LAMP5: variants seen among roughly 807,000 people sequenced by gnomAD.
LAMP5 encodes the protein lysosome-associated membrane glycoprotein 5.
A neutral mutation model predicts 30.2 loss-of-function variants in LAMP5; 36 were observed. That is an observed-to-expected ratio of 1.19 (90% confidence interval 0.91 to 1.57). The LOEUF (loss-of-function observed/expected upper bound fraction) is 1.57, where lower values mean the gene tolerates loss of function less well. Among genes scored for constraint, LAMP5 ranks in the 40% most tolerant of loss-of-function variants. LAMP5 has a pLI of 0.00. For synonymous variants in LAMP5, 149 were observed against 134.6 expected, an observed-to-expected ratio of 1.11 and a Z score of -0.74; for missense variants, 377 against 354.9, an observed-to-expected ratio of 1.06 and a Z score of -0.50.
rs2045028368 is a variant in LAMP5, at chr20:9,515,378, C to G, written c.65-75C>G. 1.3e-5 allele frequency: 18 copies of G among 1,424,740 alleles called. 1 individual carries two copies. Among genetic ancestry groups the G allele is most frequent in the East Asian group, 2.3e-5 (1 of 43,654 alleles). The allele number at this position is 1,424,740 out of a possible 1,614,324, so 88.3% of individuals were successfully genotyped here. A position where few individuals can be genotyped will look rare whatever the true frequency, so the allele number is the denominator to read the frequency against. ...TTGTCACTCCAAAGCCTGCAGAGCA[C>G]TGTCTCCCCACCCTAGCGCCCGAGA... On this transcript the variant is annotated intron_variant, in intron 1 of 5. Transcript: ENST00000246070.
chr20:9,516,919 ACAACTCAGCCAGATC>A (rs2045044716), intron 4 of LAMP5, among the ~76,000 whole-genome samples: 1 of 152,098 alleles, frequency 6.6e-6, no homozygotes, highest in Non-Finnish European at 1.5e-5. Flanking sequence ...CATCCCTCCG[ACAACTCAGCCAGATC>A]CTCCTCGGCA....
At chr20:9,526,207 A>T (rs2045111279) in intron 5 of LAMP5, among the ~76,000 whole-genome samples, 1 of 152,186 alleles carries the variant, frequency 6.6e-6, no homozygotes, top group Non-Finnish European at 1.5e-5. Context: ...TTACTGTTTA[A>T]CACAGACTTA....
At chr20:9,517,885 C>T (rs1203360932) in intron 4 of LAMP5, among the ~76,000 whole-genome samples, 155 bp from the exon 5 acceptor site, 1 of 152,178 alleles carries the variant, frequency 6.6e-6, no homozygotes, top group Non-Finnish European at 1.5e-5. Context: ...CCTTCATCAC[C>T]ACTTGATGCC....
intron 5 of LAMP5, 102 bp downstream of exon 5, chr20:9,518,330 C>A: frequency 9.7e-7 from 1 of 1,032,566 alleles, no homozygotes; most frequent in Non-Finnish European, 1.4e-6. Flanking sequence ...TGGATTTCCT[C>A]TAGGTTGAAA....
intron 5 of LAMP5, among the ~76,000 whole-genome samples, chr20:9,524,447 A>G (rs2045098142): frequency 6.6e-6 from 1 of 151,298 alleles, no homozygotes; most frequent in Admixed American, 6.6e-5. Flanking sequence ...GCATGTACAT[A>G]TGCTCTAAGC....
Position 9,518,100 on chromosome 20 carries a change from C to T in LAMP5, c.536C>T (p.Ser179Phe). The change falls in exon 5 of 6, where the codon TCC becomes TTC. Residue 179 changes from serine (S) to phenylalanine (F), a missense_variant. Transcript: ENST00000246070. ...GCCTTGGTCACCCCCGCTGGGAAGT[C>T]CTATGAGTGTCAAGCTCAACAAACC... The part of the protein sequence containing the change: ...LSALVTPAGK[S>F]YECQAQQTIS... The T allele has an allele frequency of 1.9e-6, 3 of 1,614,174 alleles. No homozygotes were observed. The highest frequency in any genetic ancestry group is 2.2e-5 in the South Asian group (2 of 91,078).
intron 5 of LAMP5, 107 bp from the exon 6 acceptor site, chr20:9,529,535 G>T (rs959067946): frequency 5.1e-6 from 6 of 1,183,396 alleles, no homozygotes; most frequent in African/African-American, 3.1e-5. Context: ...TAGTCCCAAA[G>T]CTTCCTTGAG....
chr20:9,528,814 GC>G (rs1359723851), intron 5 of LAMP5, among the ~76,000 whole-genome samples: 2 of 152,108 alleles, frequency 1.3e-5, no homozygotes, highest in African/African-American at 4.8e-5. Context: ...AGTTTTACCT[GC>G]TCTTGAACTT....
Position 9,518,816 on chromosome 20 carries a change from G to C in LAMP5, c.664+588G>C, listed in dbSNP as rs543804424. Reference sequence around the variant, plus strand: ...GTTTCTGTGCATCCAGAAGGCAGAGGGGGTGGGTGCGTATGCACAGATCAT... The same window carrying C: ...GTTTCTGTGCATCCAGAAGGCAGAGCGGGTGGGTGCGTATGCACAGATCAT... On this transcript the variant is annotated intron_variant, in intron 5 of 5. Transcript: ENST00000246070. Among the ~76,000 whole-genome samples, 14 of 152,384 alleles carry C rather than the reference G, an allele frequency of 9.2e-5. No homozygotes were observed. In the South Asian group the frequency reaches 2.7e-3, roughly 29 times the overall value.
intron 5 of LAMP5, 149 bp from the exon 6 acceptor site, chr20:9,529,493 G>C: frequency 1.5e-6 from 1 of 671,484 alleles, no homozygotes; most frequent in Non-Finnish European, 2.5e-6. Flanking sequence ...TGTTAACCTA[G>C]GGGTTGGTTA....
At chr20:9,521,802 A>G (rs939398732) in intron 5 of LAMP5, among the ~76,000 whole-genome samples, 9 of 152,204 alleles carry the variant, frequency 5.9e-5, no homozygotes, top group African/African-American at 1.7e-4. Flanking sequence ...CTTGAGTAAA[A>G]GGAAACTTTT....
At position 9,516,063 on chromosome 20, in the gene LAMP5, C is replaced by T; in HGVS notation, c.301C>T (p.His101Tyr). 1.3e-6 allele frequency: 2 copies of T among 1,545,778 alleles called. No homozygotes were observed. The highest frequency in any genetic ancestry group is 1.7e-6 in the Non-Finnish European group (2 of 1,152,652). ...AGCTGAGGTGAAGGGCCGCTGTGGC[C>T]ACAGCCAGTCGGAGCTGCAAGTGTT... ...RGAEVKGRCGHSQSELQVFWV... is the reference protein window; with the variant it reads ...RGAEVKGRCGYSQSELQVFWV... The change falls in exon 3 of 6, where the codon CAC (histidine) becomes TAC (tyrosine). Residue 101 changes from histidine to tyrosine, a missense_variant. By Grantham distance (83) the His-to-Tyr change is moderately conservative (BLOSUM62 2). Coordinates refer to ENST00000246070, the MANE Select transcript of LAMP5 (RefSeq NM_012261.4).
chr20:9,520,630 G>A lies in LAMP5; in HGVS notation c.664+2402G>A, dbSNP rs148542551. On this transcript the variant is annotated intron_variant, in intron 5 of 5. Coordinates refer to ENST00000246070, the MANE Select transcript of LAMP5 (RefSeq NM_012261.4). Reference sequence around the variant, plus strand: ...GTTTGTGTGTTCATGTGTTTGGACCGTGGCCATTGTCAAGCACAGCATAAT... The same window carrying A: ...GTTTGTGTGTTCATGTGTTTGGACCATGGCCATTGTCAAGCACAGCATAAT... 8.6e-3 allele frequency among the ~76,000 whole-genome samples: 1,303 copies of A among 151,938 alleles called. 8 individuals are homozygous for A. Among genetic ancestry groups the A allele is most frequent in the Non-Finnish European group, 0.014 (958 of 67,954 alleles).
chr20:9,514,619 C>A lies in LAMP5; in HGVS notation c.-234C>A. 1 of 476,884 alleles carries A rather than the reference C, an allele frequency of 2.1e-6. No homozygotes were observed. Among genetic ancestry groups the A allele is most frequent in the Non-Finnish European group, 3.8e-6 (1 of 264,918 alleles). 29.5% of individuals were successfully genotyped at this position (476,884 alleles called of 1,614,324 possible). A position where few individuals can be genotyped will look rare whatever the true frequency, so the allele number is the denominator to read the frequency against. On this transcript the variant is annotated 5_prime_UTR_variant, in exon 1 of 6. Coordinates refer to ENST00000246070, the MANE Select transcript of LAMP5 (RefSeq NM_012261.4). ...TGCTTTCAGCACTCGCAGCCGTGGA[C>A]CGCCGTGCGGTCCTTTCCTCCGCAG...
chr20:9,520,504 G>A (rs1261028969), intron 5 of LAMP5, among the ~76,000 whole-genome samples: 1 of 152,148 alleles, frequency 6.6e-6, no homozygotes, highest in African/African-American at 2.4e-5. Context: ...GCATGTGAGT[G>A]GAGTATGCTT....
rs771029068 is a variant in LAMP5, at chr20:9,518,053, A to G, written c.489A>G (p.Thr163=). The change falls in exon 5 of 6, where the codon ACA becomes ACG. Residue 163 remains threonine, a synonymous_variant. Coordinates refer to ENST00000246070, the MANE Select transcript of LAMP5 (RefSeq NM_012261.4). ...FKDAVSAGKH[T]ANSHHLSALV... is the part of the protein sequence containing the mutation. ...CTCTTGCTGTAGCTGGGAAGCACAC[A>G]GCCAACTCGCACCACCTCTCTGCCT... 6.2e-7 allele frequency: 1 copy of G among 1,613,678 alleles called. No individual in the cohort carries two copies. Among genetic ancestry groups the G allele is most frequent in the Admixed American group, 1.7e-5 (1 of 60,008 alleles).
chr20:9,519,904 A>G (rs972925308), intron 5 of LAMP5, among the ~76,000 whole-genome samples: 2 of 152,166 alleles, frequency 1.3e-5, no homozygotes, highest in African/African-American at 4.8e-5. Flanking sequence ...GTCGTTGTTT[A>G]TAGTTGCCTA....
intron 5 of LAMP5, among the ~76,000 whole-genome samples, chr20:9,518,863 C>A (rs1178218783): frequency 6.6e-6 from 1 of 151,910 alleles, no homozygotes; most frequent in African/African-American, 2.4e-5. Context: ...GTCTTTCCAC[C>A]AAGCATCTTC....
In LAMP5 at chr20:9,514,738, T is replaced by G; in HGVS notation, c.-115T>G. ...AGAATACGCGCTCCCTCCCTCCCCCTTCTCTGTCCCCCGCCTCTCGCTCAC... is the reference window on the plus strand; with the variant it reads ...AGAATACGCGCTCCCTCCCTCCCCCGTCTCTGTCCCCCGCCTCTCGCTCAC... On this transcript the variant is annotated 5_prime_UTR_variant, in exon 1 of 6. Transcript: ENST00000246070. The G allele has an allele frequency of 5.9e-5, 46 of 775,140 alleles. No individual in the cohort carries two copies. The highest frequency in any genetic ancestry group is 8.4e-5 in the Non-Finnish European group (40 of 475,156). 48.0% of individuals were successfully genotyped at this position (775,140 alleles called of 1,614,324 possible). A position where few individuals can be genotyped will look rare whatever the true frequency, so the allele number is the denominator to read the frequency against.
Sources: allele counts gnomAD v4.1 joint callset (sites outside exome capture counted in the v4.1 genomes callset), GRCh38; gene constraint gnomAD v4.1.1; transcripts MANE v1.5; gene names NCBI Gene and HGNC (gene_info 2026-07-23, HGNC 2026-07-21).